ANK2: variants seen among roughly 807,000 people sequenced by gnomAD.
ANK2 encodes the protein ankyrin-2.
ANK2 carries 83 observed loss-of-function variants against 360.5 expected under a neutral mutation model. The observed-to-expected ratio is 0.23, with a 90% CI of 0.19 to 0.28. The LOEUF (loss-of-function observed/expected upper bound fraction) is 0.28, where lower values mean the gene tolerates loss of function less well. Ranked by LOEUF, ANK2 falls within the 10% of genes least tolerant of loss-of-function variation. The pLI, the probability that ANK2 is intolerant of heterozygous loss-of-function variation, is 1.00. For synonymous variants in ANK2, 1,740 were observed against 1,759.5 expected, an observed-to-expected ratio of 0.99 and a Z score of 0.28; for missense variants, 4,201 against 4,795.7, an observed-to-expected ratio of 0.88 and a Z score of 3.66.
At chr4:113,174,332 C>A in intron 1 of ANK2, 84 bp from the exon 2 acceptor site, 2 of 1,142,438 alleles carry the variant, frequency 1.8e-6, no homozygotes, top group Non-Finnish European at 2.6e-6. Flanking sequence ...TTTCTGACTT[C>A]AGTGTAAACA....
At chr4:112,795,092 T>C in the ANK2 span, among the ~76,000 whole-genome samples, 1 of 152,234 alleles carries the variant, frequency 6.6e-6, no homozygotes, top group South Asian at 2.1e-4. Flanking sequence ...TGGATTCCTT[T>C]GGAGACTAAA....
chr4:113,015,422 C>A (rs536207539), intron 2 of ANK2, among the ~76,000 whole-genome samples: 2 of 152,210 alleles, frequency 1.3e-5, no homozygotes, highest in South Asian at 4.1e-4. Context: ...CTTTCCTGAC[C>A]ATATGTCCGA....
chr4:112,793,820 C>T, the ANK2 span, among the ~76,000 whole-genome samples: 9 of 151,846 alleles, frequency 5.9e-5, no homozygotes, highest in Non-Finnish European at 1.0e-4. Context: ...ATTCTCCCAC[C>T]TCAACCTCCC....
intron 2 of ANK2, among the ~76,000 whole-genome samples, chr4:112,925,530 A>C (rs560923216): frequency 6.6e-6 from 1 of 152,358 alleles, no homozygotes; most frequent in Non-Finnish European, 1.5e-5. Context: ...TTGGTTGAAA[A>C]AAATAATAGC....
At chr4:112,872,026 ATT>A (rs752922331) in intron 1 of ANK2, among the ~76,000 whole-genome samples, 18 of 121,586 alleles carry the variant, frequency 1.5e-4, no homozygotes, top group Admixed American at 2.5e-4. Flanking sequence ...TTGCATCTGT[ATT>A]TTTTTTTTTT....
At chr4:113,227,716 C>T (rs1320640981) in intron 4 of ANK2, among the ~76,000 whole-genome samples, 1 of 152,194 alleles carries the variant, frequency 6.6e-6, no homozygotes, top group Non-Finnish European at 1.5e-5. Context: ...CTGCCTGTCA[C>T]TCCCAGATCA....
At chr4:113,212,747 T>G (rs1465064394) in intron 4 of ANK2, among the ~76,000 whole-genome samples, 1 of 152,270 alleles carries the variant, frequency 6.6e-6, no homozygotes, top group Non-Finnish European at 1.5e-5. Flanking sequence ...TTAATCCATG[T>G]TCGGCATTTA....
intron 4 of ANK2, among the ~76,000 whole-genome samples, chr4:113,200,010 G>A (rs1584679208): frequency 1.3e-5 from 2 of 152,146 alleles, no homozygotes; most frequent in South Asian, 2.1e-4. Context: ...AAATACAAAA[G>A]GCAATGGTTA....
At chr4:113,045,063 C>G (rs1431574098), upstream of ANK2, among the ~76,000 whole-genome samples, 1 of 152,130 alleles carries the variant, frequency 6.6e-6, no homozygotes, top group Non-Finnish European at 1.5e-5. Context: ...ACAGACAACT[C>G]TTGACTCACA....
Position 113,140,000 on chromosome 4 carries a change from T to C in ANK2, c.85-34416T>C, listed in dbSNP as rs150392713. ...AGAAAAATTATGCCACAAGTCCATA[T>C]AGGGAATTTAGTGTAGATCCATAAG... On this transcript the variant is annotated intron_variant, in intron 1 of 45. Coordinates refer to ENST00000357077, the MANE Select transcript of ANK2 (RefSeq NM_001148.6). 1.4e-4 allele frequency among the ~76,000 whole-genome samples: 21 copies of C among 152,352 alleles called. No individual in the cohort carries two copies. The South Asian group carries it at 4.4e-3, about 32-fold the overall frequency.
chr4:113,305,992 T>A (rs906616356), intron 23 of ANK2, among the ~76,000 whole-genome samples: 1 of 152,230 alleles, frequency 6.6e-6, no homozygotes, highest in Non-Finnish European at 1.5e-5. Flanking sequence ...AGATATCCTA[T>A]CAGGCTAATT....
At chr4:112,717,133 G>A in the ANK2 span, among the ~76,000 whole-genome samples, 1 of 152,078 alleles carries the variant, frequency 6.6e-6, no homozygotes, top group African/African-American at 2.4e-5. Flanking sequence ...TATAATGAAT[G>A]GTATCTTGCC....
intron 1 of ANK2, among the ~76,000 whole-genome samples, chr4:113,148,803 C>T (rs193189801): frequency 4.4e-4 from 67 of 152,130 alleles, no homozygotes; most frequent in Non-Finnish European, 5.0e-4. Flanking sequence ...GTTCAAGGGA[C>T]GGAAGGATGG....
chr4:113,174,651 T>A (rs1382884914), intron 2 of ANK2, 134 bp downstream of exon 2: 10 of 709,026 alleles, frequency 1.4e-5, no homozygotes, highest in Non-Finnish European at 2.4e-5. Flanking sequence ...TCCCATTTTT[T>A]GCCCCCTTAC....
chr4:113,338,285 C>T (rs2093809457), intron 31 of ANK2, among the ~76,000 whole-genome samples: 2 of 151,982 alleles, frequency 1.3e-5, no homozygotes, highest in Admixed American at 6.6e-5. Flanking sequence ...AAATTTTGTC[C>T]TTATCTATGT....
intron 1 of ANK2, among the ~76,000 whole-genome samples, chr4:113,053,270 GAA>G (rs1368356353): frequency 3.3e-5 from 5 of 152,120 alleles, no homozygotes; most frequent in Admixed American, 2.6e-4. Flanking sequence ...GAGAGAGAGA[GAA>G]AGACTTGTTT....
intron 1 of ANK2, among the ~76,000 whole-genome samples, chr4:112,854,968 A>G (rs536009287): frequency 1.3e-4 from 20 of 152,306 alleles, no homozygotes; most frequent in Admixed American, 1.0e-3. Flanking sequence ...GAGGACATAT[A>G]TAGTCAGACC....
At chr4:112,976,486 C>T (rs1347419840) in intron 2 of ANK2, among the ~76,000 whole-genome samples, 1 of 152,134 alleles carries the variant, frequency 6.6e-6, no homozygotes, top group African/African-American at 2.4e-5. Flanking sequence ...AGCCGTGGCA[C>T]CCAGCCTGGT....
At position 113,233,120 on chromosome 4, in the gene ANK2, T is replaced by G. The variant is rs1166737351; in HGVS notation, c.483+861T>G. ...TTGGCTTTTCTGTTTTTTTTTTTTT[T>G]TTTTTTTTTTTTTTTTTTTTTTTTT... is the stretch of plus-strand genomic sequence containing the variant. On this transcript the variant is annotated intron_variant, in intron 5 of 45. Coordinates refer to ENST00000357077, the MANE Select transcript of ANK2 (RefSeq NM_001148.6). Among the ~76,000 whole-genome samples, 18 of 20,250 alleles carry G rather than the reference T, an allele frequency of 8.9e-4. No homozygotes were observed. In the East Asian group the frequency reaches 9.4e-3, roughly 11 times the overall value. 13.3% of individuals were successfully genotyped at this position (20,250 alleles called of 152,430 possible).
Sources: gnomAD v4.1 joint callset for allele counts (sites outside exome capture counted in the v4.1 genomes callset) on GRCh38, gnomAD v4.1.1 for gene constraint, MANE v1.5 for transcripts, NCBI Gene and HGNC (gene_info 2026-07-23, HGNC 2026-07-21) for gene names.